The following IKBKG variants were observed in gnomAD, a reference collection of about 807,000 sequenced individuals.
IKBKG encodes the protein inhibitor of nuclear factor kappa B kinase regulatory subunit gamma, also known as NF-kappa-B essential modulator.
Under a neutral mutation model 13.7 loss-of-function variants are expected in IKBKG, and 2 were observed. The ratio of observed to expected loss-of-function variants is 0.15; its 90% confidence interval spans 0.06 to 0.46. The LOEUF (loss-of-function observed/expected upper bound fraction) is 0.46, where lower values mean the gene tolerates loss of function less well. Among genes scored for constraint, IKBKG ranks in the 20% least tolerant of loss-of-function variants. The pLI is 0.98. For missense variants in IKBKG, 53 were observed against 150.3 expected, an observed-to-expected ratio of 0.35 and a Z score of 3.39; for synonymous variants, 22 against 64.4, an observed-to-expected ratio of 0.34 and a Z score of 3.15.
intron 2 of IKBKG, among the ~76,000 whole-genome samples, chrX:154,555,289 G>A (rs782672191): frequency 1.4e-4 from 16 of 111,930 alleles, no homozygotes; most frequent in South Asian, 3.7e-4. Context: ...GTCTGCAGGC[G>A]TGTTAGGACC....
chrX:154,549,256 C>T (rs1260877926), intron 1 of IKBKG, among the ~76,000 whole-genome samples: 2 of 110,356 alleles, frequency 1.8e-5, no homozygotes, highest in East Asian at 5.7e-4. Context: ...GCTGGGATTA[C>T]AGGCATGAGC....
Position 154,552,055 on chromosome X carries a change from G to A in IKBKG, c.53G>A (p.Gly18Asp). The A allele has an allele frequency of 8.6e-7, 1 of 1,164,203 alleles. No individual in the cohort carries two copies. Among genetic ancestry groups the A allele is most frequent in the Non-Finnish European group, 1.2e-6 (1 of 865,880 alleles). The change falls in exon 2 of 10, where the codon GGT (glycine) becomes GAT (aspartate). Residue 18 changes from glycine (G) to aspartate (D), a missense_variant. Gly to Asp is a moderately conservative substitution (Grantham distance 94, BLOSUM62 -1). Around this residue, in one of 3 missense-constraint regions of IKBKG, gnomAD observed 47 missense variants for 50.0 expected, o/e 0.94. Coordinates refer to ENST00000594239, the MANE Select transcript of IKBKG (RefSeq NM_001099857.5). ...CTGTGTGAGATGGTGCAGCCCAGTG[G>A]TGGCCCGGCAGCAGATCAGGACGTA... ...SQLCEMVQPS[G>D]GPAADQDVLG...
intron 2 of IKBKG, among the ~76,000 whole-genome samples, chrX:154,552,556 C>T (rs1304416147): frequency 9.2e-6 from 1 of 109,281 alleles, no homozygotes; most frequent in East Asian, 2.9e-4. Flanking sequence ...AAGTGCTGTC[C>T]ATCCTGGGAC....
upstream of IKBKG, chrX:154,546,106 C>A (rs1557233196): frequency 1.7e-6 from 2 of 1,210,255 alleles, no homozygotes; most frequent in Non-Finnish European, 2.2e-6. Flanking sequence ...AAGCTCTTCC[C>A]GCAGGATCCC....
upstream of IKBKG, chrX:154,546,719 T>A (rs2070730257): frequency 1.1e-6 from 1 of 927,181 alleles, no homozygotes; most frequent in Admixed American, 2.9e-5. Context: ...CAGCGTGTAT[T>A]TTACCGCCGC....
chrX:154,551,867 C>T (rs1239377130), intron 1 of IKBKG, 121 bp from the exon 2 acceptor site: 4 of 537,135 alleles, frequency 7.4e-6, no homozygotes, highest in Non-Finnish European at 1.1e-5. Context: ...ACTTTAGCAT[C>T]CTGATACACT....
chrX:154,544,249 A>C (rs1048976510), upstream of IKBKG, among the ~76,000 whole-genome samples: 2 of 106,456 alleles, frequency 1.9e-5, no homozygotes, highest in Non-Finnish European at 3.9e-5. Context: ...GCAACCTCTG[A>C]CTCCCTGATT....
At chrX:154,548,034 C>T (rs1317476486) in intron 1 of IKBKG, 1 of 753,700 alleles carries the variant, frequency 1.3e-6, no homozygotes, top group Non-Finnish European at 1.6e-6. Context: ...CTTGACTGCG[C>T]TCTATCGAGG....
intron 1 of IKBKG, among the ~76,000 whole-genome samples, 163 bp from the exon 2 acceptor site, chrX:154,551,825 G>A (rs2070940929): frequency 8.9e-6 from 1 of 112,007 alleles, no homozygotes; most frequent in African/African-American, 3.2e-5. Context: ...CTTTGGAATG[G>A]GAGTATCTGC....
intron 1 of IKBKG, among the ~76,000 whole-genome samples, chrX:154,551,763 C>G (rs1393692751): frequency 8.9e-6 from 1 of 111,743 alleles, no homozygotes; most frequent in African/African-American, 3.3e-5. Flanking sequence ...TCTTCTATTT[C>G]CAGCCTGGAG....
chrX:154,547,304 C>G (rs1170017992), upstream of IKBKG: 1 of 750,589 alleles, frequency 1.3e-6, no homozygotes, highest in African/African-American at 2.3e-5. Flanking sequence ...GGAACCCTCG[C>G]CTGTTCGCGG....
chrX:154,542,338 C>T, exon 2 of IKBKG: 1 of 1,198,470 alleles, frequency 8.3e-7, no homozygotes, highest in East Asian at 3.0e-5. Flanking sequence ...ATCCCAGTCT[C>T]TTCCCCTCAC....
chrX:154,547,569 C>T (rs1350608643), upstream of IKBKG: 1 of 755,004 alleles, frequency 1.3e-6, no homozygotes, highest in Non-Finnish European at 1.6e-6. Context: ...TTCCCGAGTT[C>T]TCGGGGGCGG....
intron 2 of IKBKG, among the ~76,000 whole-genome samples, chrX:154,554,686 G>A (rs1023722196): frequency 5.4e-5 from 6 of 111,174 alleles, no homozygotes; most frequent in Non-Finnish European, 9.4e-5. Flanking sequence ...AACCCAGGAG[G>A]TGGAGGTTGC....
At chrX:154,542,357 A>C in exon 2 of IKBKG, 1 of 1,206,160 alleles carries the variant, frequency 8.3e-7, no homozygotes. Flanking sequence ...ACTCCCTGTG[A>C]AGCTCTCCAG....
chrX:154,547,605 C>T (rs2070784239), upstream of IKBKG: 1 of 753,923 alleles, frequency 1.3e-6, no homozygotes, highest in Non-Finnish European at 1.6e-6. Flanking sequence ...TTCCGGATCC[C>T]ACAGCTATGA....
chrX:154,542,442 G>C, upstream of IKBKG: 1 of 1,185,048 alleles, frequency 8.4e-7, no homozygotes, highest in Non-Finnish European at 1.1e-6. Context: ...AGAGCTTTCT[G>C]GAAGGGGGCA....
At chrX:154,545,890 CG>C, upstream of IKBKG, 1 of 718,261 alleles carries the variant, frequency 1.4e-6, no homozygotes, top group South Asian at 2.3e-5. Flanking sequence ...CAGGTAGAGC[CG>C]GGATGATCCT....
chrX:154,549,812 A>G (rs1057417171), intron 1 of IKBKG, among the ~76,000 whole-genome samples: 1 of 112,192 alleles, frequency 8.9e-6, no homozygotes, highest in Non-Finnish European at 1.9e-5. Context: ...TGTTGTAGAC[A>G]TCTTATATAA....
Sources: allele counts gnomAD v4.1 joint callset (sites outside exome capture counted in the v4.1 genomes callset), GRCh38; gene constraint gnomAD v4.1.1; regional missense constraint gnomAD v4.1.1; transcripts MANE v1.5; gene names NCBI Gene and HGNC (gene_info 2026-07-23, HGNC 2026-07-21).